Variants in FYN observed in about 807,000 individuals in gnomAD.
FYN encodes the protein FYN proto-oncogene, Src family tyrosine kinase.
Under a neutral mutation model 70.2 loss-of-function variants are expected in FYN, and 10 were observed. The observed-to-expected ratio is 0.14, with a 90% confidence interval of 0.09 to 0.24. The LOEUF (loss-of-function observed/expected upper bound fraction) is 0.24, where lower values mean the gene tolerates loss of function less well. Among genes scored for constraint, FYN ranks in the 10% least tolerant of loss-of-function variants. FYN has a pLI of 1.00. For missense variants in FYN, 319 were observed against 673.1 expected (o/e 0.47, Z 5.82); for synonymous variants, 236 against 248.6 (o/e 0.95, Z 0.48).
At chr6:111,671,430 C>T (rs1276350319) in intron 13 of FYN, among the ~76,000 whole-genome samples, 1 of 152,178 alleles carries the variant, frequency 6.6e-6, no homozygotes, top group Admixed American at 6.5e-5. Flanking sequence ...CCTCCTCCCG[C>T]ACCTCCATCT....
intron 3 of FYN, among the ~76,000 whole-genome samples, chr6:111,746,275 A>T (rs576779314): frequency 6.6e-6 from 1 of 152,360 alleles, no homozygotes; most frequent in East Asian, 1.9e-4. Flanking sequence ...CTAAACCCCC[A>T]TCAAGATCTA....
Position 111,704,232 on chromosome 6 carries a change from T to G in FYN, c.444-130A>C. 7 of 666,344 alleles carry G rather than the reference T, an allele frequency of 1.1e-5. 1 individual carries two copies. The South Asian group carries it at 1.3e-4, about 13-fold the overall frequency. 41.3% of individuals were successfully genotyped at this position (666,344 alleles called of 1,614,324 possible). The stretch of plus-strand genomic sequence containing the variant: ...GTCCTTAACCTTTCCCTGGATGTAT[T>G]TTTTTTCTAGCTTAATTCAGTTCCT... On this transcript the variant is annotated intron_variant, in intron 6 of 13. Coordinates refer to ENST00000354650, the MANE Select transcript of FYN (RefSeq NM_002037.5).
chr6:111,820,157 C>T (rs769498238), intron 2 of FYN: 1 of 152,230 alleles, frequency 6.6e-6, no homozygotes, highest in East Asian at 1.9e-4. Flanking sequence ...AGCAAGACAG[C>T]TCAAATTGTA....
chr6:111,764,313 GA>G (rs1401629917), intron 3 of FYN, among the ~76,000 whole-genome samples: 1 of 150,556 alleles, frequency 6.6e-6, no homozygotes, highest in Non-Finnish European at 1.5e-5. Context: ...GAAGTAATAA[GA>G]AGTAGTGATA....
rs562778228 is a variant in FYN at position 111,802,603 on chromosome 6, T to G, written c.-81-21968A>C. 3.9e-5 allele frequency among the ~76,000 whole-genome samples: 6 copies of G among 152,138 alleles called. No homozygotes were observed. In the East Asian group the frequency reaches 1.2e-3, roughly 30 times the overall value. On this transcript the variant is annotated intron_variant, in intron 2 of 13. Coordinates refer to ENST00000354650, the MANE Select transcript of FYN (RefSeq NM_002037.5). ...CCTGCTATCACACCCAGCTAATTTG[T>G]ATTTTTGGTAGAGACAGGTTTCACC...
chr6:111,720,412 C>A (rs1471739247), intron 3 of FYN, among the ~76,000 whole-genome samples: 10 of 152,058 alleles, frequency 6.6e-5, no homozygotes, highest in African/African-American at 1.9e-4. Flanking sequence ...CTTTAGCCAT[C>A]TAAAAAAAAT....
At chr6:111,681,847 C>T (rs1305906830) in intron 12 of FYN, among the ~76,000 whole-genome samples, 2 of 152,002 alleles carry the variant, frequency 1.3e-5, no homozygotes, top group African/African-American at 2.4e-5. Context: ...AACGGAACAC[C>T]GAGAGGAAAG....
intron 3 of FYN, among the ~76,000 whole-genome samples, chr6:111,736,315 T>C (rs1483122196): frequency 6.6e-6 from 1 of 152,152 alleles, no homozygotes. Flanking sequence ...TATTAACACA[T>C]TCTTTGGGCT....
chr6:111,673,928 C>G (rs1436897343), intron 13 of FYN, among the ~76,000 whole-genome samples: 3 of 151,974 alleles, frequency 2.0e-5, no homozygotes, highest in Admixed American at 2.0e-4. Context: ...TTACATTATA[C>G]TTGCTTTGGT....
intron 1 of FYN, among the ~76,000 whole-genome samples, chr6:111,851,418 A>G (rs1048203859): frequency 3.9e-5 from 6 of 152,092 alleles, no homozygotes; most frequent in Non-Finnish European, 8.8e-5. Flanking sequence ...TCCACATTCT[A>G]CCCCAGCACC....
At chr6:111,677,797 C>A (rs1798598298) in intron 12 of FYN, among the ~76,000 whole-genome samples, 1 of 152,178 alleles carries the variant, frequency 6.6e-6, no homozygotes, top group Non-Finnish European at 1.5e-5. Context: ...ATCAGGAGAA[C>A]CGCAATGCAG....
In FYN at chr6:111,718,923, G is replaced by A. The variant is rs1298394043; in HGVS notation, c.247+882C>T. The stretch of plus-strand genomic sequence containing the variant: ...TGATGTGTGATGTGTGTTGGGTGCA[G>A]AGGGAAAAAAAACTTGCTAATGCCT... On this transcript the variant is annotated intron_variant, in intron 4 of 13. Transcript: ENST00000354650. 3.9e-5 allele frequency among the ~76,000 whole-genome samples: 6 copies of A among 152,270 alleles called. No homozygotes were observed. In the South Asian group the frequency reaches 8.3e-4, roughly 21 times the overall value.
intron 2 of FYN, among the ~76,000 whole-genome samples, chr6:111,781,926 A>G (rs934849675): frequency 2.6e-5 from 4 of 152,250 alleles, no homozygotes; most frequent in African/African-American, 2.4e-5. Flanking sequence ...CAGAATATCT[A>G]TAACTATGAA....
chr6:111,808,338 T>C (rs563373485), intron 2 of FYN, among the ~76,000 whole-genome samples: 1 of 152,138 alleles, frequency 6.6e-6, no homozygotes, highest in East Asian at 1.9e-4. Context: ...TGGGCTAGTA[T>C]TGAGGGGGAA....
chr6:111,867,589 C>G (rs1173883162), intron 1 of FYN, among the ~76,000 whole-genome samples: 3 of 151,918 alleles, frequency 2.0e-5, no homozygotes, highest in African/African-American at 7.3e-5. Flanking sequence ...TAGATACCTG[C>G]CCCCTGCTTT....
chr6:111,732,058 T>C (rs1196972818), intron 3 of FYN, among the ~76,000 whole-genome samples: 2 of 152,180 alleles, frequency 1.3e-5, no homozygotes, highest in East Asian at 1.9e-4. Flanking sequence ...TGACAAGCTG[T>C]GGCCACTCTG....
intron 2 of FYN, among the ~76,000 whole-genome samples, chr6:111,810,670 A>C (rs1234489646): frequency 1.3e-5 from 2 of 152,186 alleles, no homozygotes; most frequent in Non-Finnish European, 2.9e-5. Context: ...TGTGAAGCCC[A>C]GTGCCTGGGT....
chr6:111,763,987 G>A (rs910146577), intron 3 of FYN, among the ~76,000 whole-genome samples: 13 of 152,018 alleles, frequency 8.6e-5, no homozygotes, highest in African/African-American at 3.1e-4. Flanking sequence ...TCAGCGCTCA[G>A]GCTATGCTAT....
At chr6:111,705,923 C>G (rs1430395811) in intron 6 of FYN, among the ~76,000 whole-genome samples, 1 of 152,158 alleles carries the variant, frequency 6.6e-6, no homozygotes, top group African/African-American at 2.4e-5. Flanking sequence ...GCTGGGATTA[C>G]AGGAGGGAGC....
Sources: gnomAD v4.1 joint callset for allele counts (sites outside exome capture counted in the v4.1 genomes callset) on GRCh38, gnomAD v4.1.1 for gene constraint, MANE v1.5 for transcripts, NCBI Gene and HGNC (gene_info 2026-07-23, HGNC 2026-07-21) for gene names.